The following PCDHA4 variants were observed in gnomAD, a reference collection of about 807,000 sequenced individuals.
PCDHA4 encodes the protein protocadherin alpha-4.
Under a neutral mutation model 61.4 loss-of-function variants are expected in PCDHA4, and 49 were observed. That is an observed-to-expected ratio of 0.80 (90% CI 0.63 to 1.01). PCDHA4 has a LOEUF of 1.01. PCDHA4 is among the 50% of genes least tolerant of loss of function. PCDHA4 has a pLI of 0.00. For synonymous variants in PCDHA4, 590 were observed against 550.3 expected (o/e 1.07, Z -1.01); for missense variants, 1,254 against 1,235.8 (o/e 1.01, Z -0.22).
intron 1 of PCDHA4, among the ~76,000 whole-genome samples, chr5:140,970,131 A>G (rs1554232260): frequency 6.6e-6 from 1 of 152,186 alleles, no homozygotes; most frequent in Non-Finnish European, 1.5e-5. Context: ...GAAGGAAGAG[A>G]AGGGAAAAAG....
chr5:140,831,383 A>G (rs1416445825), intron 1 of PCDHA4, among the ~76,000 whole-genome samples: 1 of 151,732 alleles, frequency 6.6e-6, no homozygotes, highest in South Asian at 2.1e-4. Flanking sequence ...TGTGTGTGAC[A>G]GGGTCTTGCT....
intron 1 of PCDHA4, chr5:140,968,651 GA>G: frequency 6.2e-7 from 1 of 1,614,154 alleles, no homozygotes; most frequent in Non-Finnish European, 8.5e-7. Flanking sequence ...CCAGACTTCT[GA>G]CCTGGACCTC....
At chr5:140,969,760 C>T (rs1166018588) in intron 1 of PCDHA4, among the ~76,000 whole-genome samples, 1 of 152,194 alleles carries the variant, frequency 6.6e-6, no homozygotes, top group Non-Finnish European at 1.5e-5. Flanking sequence ...TTAAAAAGCT[C>T]TGAGGCCTCT....
At chr5:140,816,534 G>A (rs1169931447) in intron 1 of PCDHA4, 1 of 123,670 alleles carries the variant, frequency 8.1e-6, no homozygotes, top group Non-Finnish European at 1.8e-5. Flanking sequence ...TGTGTGTGTG[G>A]GCACGCACTA....
chr5:140,969,148 G>A, intron 1 of PCDHA4: 2 of 1,614,102 alleles, frequency 1.2e-6, no homozygotes, highest in Non-Finnish European at 8.5e-7. Context: ...ACTGCTACAA[G>A]GCCTGTCTGA....
chr5:140,928,770 C>A, intron 1 of PCDHA4: 4 of 1,614,106 alleles, frequency 2.5e-6, no homozygotes, highest in Non-Finnish European at 2.5e-6. Context: ...TAGTTCTTCC[C>A]ACTGATGCAG....
chr5:140,836,389 T>TG (rs1328834113), intron 1 of PCDHA4: 1 of 1,613,560 alleles, frequency 6.2e-7, no homozygotes, highest in East Asian at 2.2e-5. Flanking sequence ...CTGGTGTCGC[T>TG]GGTGGAAAGC....
Position 140,843,291 on chromosome 5 carries a change from C to T in PCDHA4, c.2385+33719C>T, listed in dbSNP as rs2150356588. The T allele has an allele frequency of 1.3e-6, 2 of 1,595,988 alleles. 1 individual carries two copies. The highest frequency in any genetic ancestry group is 1.7e-6 in the Non-Finnish European group (2 of 1,165,560). On this transcript the variant is annotated intron_variant, in intron 1 of 3. Coordinates refer to ENST00000530339, the MANE Select transcript of PCDHA4 (RefSeq NM_018907.4). Reference sequence around the variant, plus strand: ...GTCCTGGTGAAGGATCATGGTGAACCTGCGCTGACCGCCACGGCCACGGTT... The same window carrying T: ...GTCCTGGTGAAGGATCATGGTGAACTTGCGCTGACCGCCACGGCCACGGTT...
rs1380123980 is a variant in PCDHA4 at position 140,841,792 on chromosome 5, G to T, written c.2385+32220G>T. On this transcript the variant is annotated intron_variant, in intron 1 of 3. Coordinates refer to ENST00000530339, the MANE Select transcript of PCDHA4 (RefSeq NM_018907.4). ...ACTCTCGGTTTCCGCTAGAGGGCGCGTCCGATGCAGATGTTGGAGCTAACT... is the reference window on the plus strand; with the variant it reads ...ACTCTCGGTTTCCGCTAGAGGGCGCTTCCGATGCAGATGTTGGAGCTAACT... 5.6e-6 allele frequency: 9 copies of T among 1,613,798 alleles called. No homozygotes were observed. The South Asian group carries it at 7.7e-5, about 14-fold the overall frequency.
intron 1 of PCDHA4, chr5:140,843,353 G>A: frequency 1.3e-6 from 2 of 1,596,134 alleles, no homozygotes; most frequent in African/African-American, 1.3e-5. Context: ...GGCTCCAAAA[G>A]CGTCATCGAG....
intron 1 of PCDHA4, chr5:140,812,557 A>G (rs1562235591): frequency 6.6e-6 from 1 of 151,502 alleles, no homozygotes; most frequent in Non-Finnish European, 1.5e-5. Context: ...TTGAGTTGTT[A>G]AGTTTTTTAT....
chr5:140,808,904 A>T lies in PCDHA4; in HGVS notation c.1717A>T (p.Thr573Ser), dbSNP rs1764298132. Residue 573 changes from threonine (T) to serine (S), a missense_variant, in exon 1 of 4, where the codon ACT becomes TCT. Physicochemically the swap from Thr to Ser is moderately conservative, Grantham distance 58 (BLOSUM62 1). Transcript: ENST00000530339. ...ACTGCTAGCGCCTCGGGCGGGTGGC[A>T]CTGGTGGCGCAGTGAGCGAGCTGGT... ...PALLAPRAGG[T>S]GGAVSELVPW... The T allele has an allele frequency of 6.2e-7, 1 of 1,613,488 alleles. No homozygotes were observed. Among genetic ancestry groups the T allele is most frequent in the East Asian group, 2.2e-5 (1 of 44,866 alleles).
chr5:140,948,267 A>C (rs964252489), intron 1 of PCDHA4, among the ~76,000 whole-genome samples: 1 of 151,646 alleles, frequency 6.6e-6, no homozygotes, highest in South Asian at 2.1e-4. Context: ...GTGTTCATGT[A>C]GAATATCTGT....
intron 1 of PCDHA4, among the ~76,000 whole-genome samples, chr5:140,831,726 T>G (rs1554133357): frequency 6.6e-6 from 1 of 152,106 alleles, no homozygotes. Context: ...TTTGGTGTTA[T>G]CCTCCCTTGC....
intron 1 of PCDHA4, among the ~76,000 whole-genome samples, chr5:140,919,229 C>T (rs1163633473): frequency 1.1e-4 from 17 of 152,144 alleles, no homozygotes; most frequent in African/African-American, 3.9e-4. Flanking sequence ...TTTCTAGTAA[C>T]ACTTTTTGTC....
In PCDHA4 at chr5:140,847,222, G is replaced by A. The variant is rs1156761082; in HGVS notation, c.2385+37650G>A. 2.0e-5 allele frequency among the ~76,000 whole-genome samples: 3 copies of A among 149,704 alleles called. 1 individual carries two copies. ...GGCCACTCTTTAGAATTAATTGGGA[G>A]CTATTTAACTACCTTGAGCAAAATA... On this transcript the variant is annotated intron_variant, in intron 1 of 3. Transcript: ENST00000530339.
intron 1 of PCDHA4, among the ~76,000 whole-genome samples, chr5:140,935,749 A>G (rs1245640487): frequency 6.6e-6 from 1 of 152,172 alleles, no homozygotes; most frequent in African/African-American, 2.4e-5. Flanking sequence ...ATTCCATACA[A>G]TACACATTCT....
intron 1 of PCDHA4, among the ~76,000 whole-genome samples, chr5:140,899,817 T>C (rs1360189018): frequency 6.6e-6 from 1 of 152,178 alleles, no homozygotes; most frequent in East Asian, 1.9e-4. Flanking sequence ...TTGTTTTGTT[T>C]TTCCTTTTTG....
At chr5:140,899,204 C>T (rs1286752140) in intron 1 of PCDHA4, among the ~76,000 whole-genome samples, 2 of 151,972 alleles carry the variant, frequency 1.3e-5, no homozygotes, top group African/African-American at 4.8e-5. Context: ...CCTAATTGCC[C>T]TGGCCAGAAC....
Sources: allele counts gnomAD v4.1 joint callset (sites outside exome capture counted in the v4.1 genomes callset), GRCh38; gene constraint gnomAD v4.1.1; transcripts MANE v1.5; gene names NCBI Gene and HGNC (gene_info 2026-07-23, HGNC 2026-07-21).